RAD17: variants seen among roughly 807,000 people sequenced by gnomAD.
RAD17 encodes cell cycle checkpoint protein RAD17.
RAD17 carries 31 observed loss-of-function variants against 81.5 expected under a neutral mutation model. That is an observed-to-expected ratio of 0.38 (90% confidence interval 0.29 to 0.51). RAD17 has a LOEUF of 0.51. Among genes scored for constraint, RAD17 ranks in the 20% least tolerant of loss-of-function variants. RAD17 has a pLI of 0.88. For missense variants in RAD17, 681 were observed against 781.2 expected (o/e 0.87, Z 1.53); for synonymous variants, 261 against 266.2 (o/e 0.98, Z 0.19).
chr5:69,377,459 A>ATG (rs1763437932), intron 6 of RAD17, among the ~76,000 whole-genome samples: 1 of 5,294 alleles, frequency 1.9e-4, no homozygotes, highest in African/African-American at 2.5e-4. Context: ...ATATATATAT[A>ATG]TATATATATA....
intron 16 of RAD17, among the ~76,000 whole-genome samples, chr5:69,397,859 T>C (rs1483960343): frequency 6.6e-6 from 1 of 152,210 alleles, no homozygotes; most frequent in Middle Eastern, 3.2e-3. Context: ...GGCTCACGCC[T>C]GTAATCCCAG....
At chr5:69,393,754 A>G (rs1201444072) in intron 15 of RAD17, among the ~76,000 whole-genome samples, 2 of 151,814 alleles carry the variant, frequency 1.3e-5, no homozygotes, top group African/African-American at 2.4e-5. Flanking sequence ...GTGTGTGTGT[A>G]GAGACAGGGT....
intron 11 of RAD17, among the ~76,000 whole-genome samples, chr5:69,388,686 A>C (rs769307638): frequency 3.9e-5 from 6 of 152,060 alleles, no homozygotes; most frequent in Admixed American, 6.6e-5. Flanking sequence ...AGCTCACTGC[A>C]GCCTTCATCT....
At chr5:69,386,896 T>C (rs935114823) in intron 11 of RAD17, among the ~76,000 whole-genome samples, 3 of 151,738 alleles carry the variant, frequency 2.0e-5, no homozygotes, top group African/African-American at 7.3e-5. Flanking sequence ...TATTGTAAAG[T>C]CTATTTACAT....
In RAD17 at chr5:69,393,178, T is replaced by G; in HGVS notation, c.1213T>G (p.Ser405Ala). ...AGGAGCATCTTTAACAGAATTAGAC[T>G]CACCTCGGTTGCCCTCTCATTTATC... ...CKRASLTELD[S>A]PRLPSHLSEY... Residue 405 changes from serine to alanine, a missense_variant, in exon 14 of 19, where the codon TCA (serine) becomes GCA (alanine). Physicochemically the swap from Ser to Ala is moderately conservative, Grantham distance 99. Transcript: ENST00000354868. 6.2e-7 allele frequency: 1 copy of G among 1,610,036 alleles called. No individual in the cohort carries two copies. The highest frequency in any genetic ancestry group is 8.5e-7 in the Non-Finnish European group (1 of 1,177,450).
intron 15 of RAD17, among the ~76,000 whole-genome samples, chr5:69,395,756 G>T (rs1393334151): frequency 6.6e-6 from 1 of 151,996 alleles, no homozygotes; most frequent in Non-Finnish European, 1.5e-5. Flanking sequence ...TTAGCAGTTT[G>T]CATATTTTGC....
chr5:69,393,740 C>T lies in RAD17; in HGVS notation c.1422+240C>T, dbSNP rs572897864. ...GTTATTTTCTTTTTTTCTTTTTTTTCTGTGTGTGTGTGTAGAGACAGGGTC... is the reference window on the plus strand; with the variant it reads ...GTTATTTTCTTTTTTTCTTTTTTTTTTGTGTGTGTGTGTAGAGACAGGGTC... On this transcript the variant is annotated intron_variant, in intron 15 of 18. Transcript: ENST00000354868. Among the ~76,000 whole-genome samples the T allele has an allele frequency of 1.6e-3, 243 of 149,960 alleles. 1 individual carries two copies. Among genetic ancestry groups the T allele is most frequent in the Non-Finnish European group, 3.1e-3 (212 of 67,430 alleles).
Position 69,414,451 on chromosome 5 carries a change from A to G in RAD17, c.*159A>G, listed in dbSNP as rs1766253680. On this transcript the variant is annotated 3_prime_UTR_variant, in exon 19 of 19. Coordinates refer to ENST00000354868, the MANE Select transcript of RAD17 (RefSeq NM_133338.3). Reference sequence around the variant, plus strand: ...ATCACAAGAAACCTACTCTTCTGTCATCTTGAAGTAAATAGAAGATCAAGC... The same window carrying G: ...ATCACAAGAAACCTACTCTTCTGTCGTCTTGAAGTAAATAGAAGATCAAGC... The G allele has an allele frequency of 1.3e-5, 11 of 833,134 alleles. No individual in the cohort carries two copies. The highest frequency in any genetic ancestry group is 1.8e-5 in the Non-Finnish European group (10 of 549,378). 51.6% of individuals were successfully genotyped at this position (833,134 alleles called of 1,614,324 possible).
chr5:69,377,459 A>ACG (rs1763437491), intron 6 of RAD17, among the ~76,000 whole-genome samples: 7 of 5,296 alleles, frequency 1.3e-3, no homozygotes, highest in South Asian at 0.013. Flanking sequence ...ATATATATAT[A>ACG]TATATATATA....
At chr5:69,383,170 T>C (rs188934519) in intron 7 of RAD17, among the ~76,000 whole-genome samples, 1 of 152,126 alleles carries the variant, frequency 6.6e-6, no homozygotes, top group Non-Finnish European at 1.5e-5. Flanking sequence ...TTTCATAGTT[T>C]TTCATATTGC....
At chr5:69,392,535 CTT>C (rs1450832441) in intron 13 of RAD17, among the ~76,000 whole-genome samples, 1 of 152,150 alleles carries the variant, frequency 6.6e-6, no homozygotes, top group Non-Finnish European at 1.5e-5. Flanking sequence ...ATAATCCCTC[CTT>C]TTGATAGCAA....
chr5:69,391,432 A>C (rs919647976), intron 12 of RAD17, among the ~76,000 whole-genome samples: 1 of 152,156 alleles, frequency 6.6e-6, no homozygotes, highest in African/African-American at 2.4e-5. Context: ...TATTTGCATT[A>C]TACGAATTGA....
chr5:69,369,678 C>G (rs1762793125), upstream of RAD17: 1 of 1,555,594 alleles, frequency 6.4e-7, no homozygotes, highest in Non-Finnish European at 8.7e-7. Flanking sequence ...TGACACATTT[C>G]CGTCGCAAAG....
chr5:69,397,511 C>T (rs946178768), intron 16 of RAD17, among the ~76,000 whole-genome samples: 21 of 152,176 alleles, frequency 1.4e-4, no homozygotes, highest in African/African-American at 4.8e-4. Flanking sequence ...CACCTGTAAT[C>T]CCAGCACTGT....
chr5:69,384,648 C>G, intron 7 of RAD17, 149 bp from the exon 8 acceptor site: 2 of 733,432 alleles, frequency 2.7e-6, no homozygotes, highest in Non-Finnish European at 4.1e-6. Flanking sequence ...AAAGGAATAT[C>G]CTATTTTAAA....
chr5:69,406,751 C>G (rs752522669), intron 17 of RAD17, among the ~76,000 whole-genome samples: 3 of 151,978 alleles, frequency 2.0e-5, no homozygotes, highest in Non-Finnish European at 2.9e-5. Context: ...AAGCAATCCT[C>G]CCACCTCAGC....
chr5:69,399,348 G>A (rs558602663), intron 16 of RAD17, among the ~76,000 whole-genome samples: 2 of 152,272 alleles, frequency 1.3e-5, no homozygotes, highest in Admixed American at 6.5e-5. Context: ...TGAGATGAGA[G>A]TAGTAGGCAC....
intron 13 of RAD17, 73 bp downstream of exon 13, chr5:69,392,086 T>C (rs1475923634): frequency 7.8e-7 from 1 of 1,278,272 alleles, no homozygotes. Context: ...ATGTCACTTT[T>C]AAAAAAATGT....
intron 11 of RAD17, among the ~76,000 whole-genome samples, chr5:69,387,599 T>C (rs1764292298): frequency 6.6e-6 from 1 of 152,240 alleles, no homozygotes; most frequent in Admixed American, 6.5e-5. Flanking sequence ...GGCTCACGCC[T>C]GTAATCTTAA....
Sources: gnomAD v4.1 joint callset for allele counts (sites outside exome capture counted in the v4.1 genomes callset) on GRCh38, gnomAD v4.1.1 for gene constraint, MANE v1.5 for transcripts, NCBI Gene and HGNC (gene_info 2026-07-23, HGNC 2026-07-21) for gene names.